Variants in UGT2B28 observed in about 807,000 individuals in gnomAD.
UGT2B28 encodes the protein UDP-glucuronosyltransferase 2B28.
In UGT2B28, 45 loss-of-function variants were observed where a neutral mutation model predicts 43.6. The observed-to-expected ratio is 1.03, with a 90% CI of 0.81 to 1.32. The LOEUF (loss-of-function observed/expected upper bound fraction) is 1.32. UGT2B28 is among the 40% of genes most tolerant of loss of function. UGT2B28 has a pLI of 0.00. For synonymous variants in UGT2B28, 204 were observed against 208.1 expected (o/e 0.98, Z 0.17); for missense variants, 649 against 625.5 (o/e 1.04, Z -0.40).
rs549777994 is a variant in UGT2B28 at position 69,282,655 on chromosome 4, T to C, written c.863T>C (p.Leu288Pro). The change falls in exon 2 of 6, where the codon CTA (leucine) becomes CCA (proline). Residue 288 changes from leucine (L) to proline (P), a missense_variant. Transcript: ENST00000335568. Reference protein sequence around the residue: ...GGLHCKPAKPLPKEMEEFVQS... With the variant: ...GGLHCKPAKPPPKEMEEFVQS... ...CTCCACTGCAAACCTGCCAAACCCC[T>C]ACCTAAGGTAAACATACTTTCGTTG... The C allele has an allele frequency of 1.2e-5, 18 of 1,548,072 alleles. 5 individuals are homozygous for C. Among genetic ancestry groups the C allele is most frequent in the Non-Finnish European group, 1.6e-5 (18 of 1,151,440 alleles).
At chr4:69,283,820 T>C (rs1723692055) in intron 2 of UGT2B28, among the ~76,000 whole-genome samples, 1 of 140,626 alleles carries the variant, frequency 7.1e-6, no homozygotes, top group South Asian at 2.4e-4. Flanking sequence ...TGCAAAGTCA[T>C]ATATGACAGA....
chr4:69,281,507 T>C lies in UGT2B28; in HGVS notation c.721+286T>C, dbSNP rs1231545088. Among the ~76,000 whole-genome samples the C allele has an allele frequency of 1.4e-5, 2 of 140,948 alleles. 1 individual carries two copies. The highest frequency in any genetic ancestry group is 1.4e-4 in the Admixed American group (2 of 14,054). 92.5% of individuals were successfully genotyped at this position (140,948 alleles called of 152,430 possible). A position where few individuals can be genotyped will look rare whatever the true frequency, so the allele number is the denominator to read the frequency against. On this transcript the variant is annotated intron_variant, in intron 1 of 5. Transcript: ENST00000335568. ...GCAATTACACATCTGTTTTACTATA[T>C]AATGTTTTAGATCTTAAAAACAGTG...
In UGT2B28 at chr4:69,281,899, G is replaced by A. The variant is rs1382204062; in HGVS notation, c.722-615G>A. ...TATTTAAAAATATGAGACAGATTAA[G>A]GTTGAGTACAGATCTCTATTTCAAT... On this transcript the variant is annotated intron_variant, in intron 1 of 5. Coordinates refer to ENST00000335568, the MANE Select transcript of UGT2B28 (RefSeq NM_053039.2). 5.7e-5 allele frequency among the ~76,000 whole-genome samples: 8 copies of A among 140,086 alleles called. 1 individual carries two copies. Among genetic ancestry groups the A allele is most frequent in the Non-Finnish European group, 1.2e-4 (8 of 65,568 alleles). The allele number at this position is 140,086 out of a possible 152,430, so 91.9% of individuals were successfully genotyped here.
At position 69,290,703 on chromosome 4, in the gene UGT2B28, A is replaced by G; in HGVS notation, c.1202A>G (p.Asp401Gly). 3 of 1,559,760 alleles carry G rather than the reference A, an allele frequency of 1.9e-6. No individual in the cohort carries two copies. Among genetic ancestry groups the G allele is most frequent in the East Asian group, 4.6e-5 (2 of 43,556 alleles). ...VGIPLFWDQPDNIAHMKAKGA... is the reference protein window; with the variant it reads ...VGIPLFWDQPGNIAHMKAKGA... The stretch of plus-strand genomic sequence containing the variant: ...ATTCCATTGTTTTGGGATCAACCTG[A>G]TAACATTGCTCACATGAAGGCCAAG... The change falls in exon 5 of 6, where the codon GAT becomes GGT. Residue 401 changes from aspartate to glycine, a missense_variant. Asp to Gly is a moderately conservative substitution (Grantham distance 94). Transcript: ENST00000335568.
intron 2 of UGT2B28, among the ~76,000 whole-genome samples, chr4:69,285,387 T>C (rs1560565121): frequency 1.4e-5 from 2 of 140,034 alleles, no homozygotes; most frequent in East Asian, 4.1e-4. Context: ...CCCGTCAATA[T>C]CAGTGATGAA....
rs1275865873 is a variant in UGT2B28, at chr4:69,288,778, T to C, written c.1003-887T>C. 6.4e-5 allele frequency among the ~76,000 whole-genome samples: 9 copies of C among 139,614 alleles called. 1 individual carries two copies. 91.6% of individuals were successfully genotyped at this position (139,614 alleles called of 152,430 possible). ...CCATCCTATACATCTCAGTGTATGTTGTTGCCATCTATGTATCCACGTGTT... is the reference window on the plus strand; with the variant it reads ...CCATCCTATACATCTCAGTGTATGTCGTTGCCATCTATGTATCCACGTGTT... On this transcript the variant is annotated intron_variant, in intron 3 of 5. Transcript: ENST00000335568.
chr4:69,282,809 T>C, intron 2 of UGT2B28, 147 bp downstream of exon 2: 1 of 1,215,018 alleles, frequency 8.2e-7, no homozygotes. Context: ...GAAACTCATG[T>C]ATATGTTAAT....
At chr4:69,293,003 G>A (rs1414201491) in intron 5 of UGT2B28, among the ~76,000 whole-genome samples, 5 of 140,378 alleles carry the variant, frequency 3.6e-5, no homozygotes, top group Admixed American at 7.1e-5. Flanking sequence ...GTATAGCAGA[G>A]TGTTCATGAG....
intron 1 of UGT2B28, 41 bp downstream of exon 1, chr4:69,281,262 T>C: frequency 6.9e-7 from 1 of 1,457,748 alleles, no homozygotes; most frequent in Middle Eastern, 1.9e-4. Flanking sequence ...ATCTAACTTA[T>C]TTGTGTCTTT....
Position 69,288,571 on chromosome 4 carries a change from T to C in UGT2B28, c.1003-1094T>C, listed in dbSNP as rs1463991429. On this transcript the variant is annotated intron_variant, in intron 3 of 5. Transcript: ENST00000335568. The stretch of plus-strand genomic sequence containing the variant: ...TTTTATACTTTTTTTATAATATTTT[T>C]ATTTTTTAAATTAAATTAACTTTTA... 1.4e-5 allele frequency among the ~76,000 whole-genome samples: 2 copies of C among 140,348 alleles called. 1 individual carries two copies. Among genetic ancestry groups the C allele is most frequent in the Non-Finnish European group, 3.0e-5 (2 of 65,760 alleles). 92.1% of individuals were successfully genotyped at this position (140,348 alleles called of 152,430 possible).
In UGT2B28 at chr4:69,294,907, C is replaced by T; in HGVS notation, c.*98C>T. ...GATTGTTATGCAAGATTTCTTTCTT[C>T]CTGTGACAAAAAAAAAAACTTTTCA... On this transcript the variant is annotated 3_prime_UTR_variant, in exon 6 of 6. Transcript: ENST00000335568. 2 of 1,346,548 alleles carry T rather than the reference C, an allele frequency of 1.5e-6. No homozygotes were observed. The highest frequency in any genetic ancestry group is 1.9e-6 in the Non-Finnish European group (2 of 1,043,290). The allele number at this position is 1,346,548 out of a possible 1,614,324, so 83.4% of individuals were successfully genotyped here.
intron 3 of UGT2B28, 83 bp from the exon 4 acceptor site, chr4:69,289,582 C>T: frequency 1.6e-6 from 2 of 1,254,574 alleles, no homozygotes; most frequent in Non-Finnish European, 2.2e-6. Flanking sequence ...CCCTTGATCT[C>T]ATTCCTACCC....
At chr4:69,287,350 T>C (rs1373983435) in intron 3 of UGT2B28, among the ~76,000 whole-genome samples, 1 of 140,868 alleles carries the variant, frequency 7.1e-6, no homozygotes, top group Admixed American at 7.1e-5. Flanking sequence ...TATGATCATT[T>C]TCTTCAAAGC....
intron 5 of UGT2B28, among the ~76,000 whole-genome samples, chr4:69,291,797 G>C (rs369844647): frequency 7.1e-6 from 1 of 140,372 alleles, no homozygotes; most frequent in East Asian, 2.0e-4. Context: ...CTGCTAAACT[G>C]TTTTCCAAAG....
In UGT2B28 at chr4:69,289,203, A is replaced by G. The variant is rs2109692837; in HGVS notation, c.1003-462A>G. 1.4e-5 allele frequency among the ~76,000 whole-genome samples: 2 copies of G among 139,808 alleles called. 1 individual carries two copies. Among genetic ancestry groups the G allele is most frequent in the South Asian group, 4.8e-4 (2 of 4,164 alleles). The allele number at this position is 139,808 out of a possible 152,430, so 91.7% of individuals were successfully genotyped here. On this transcript the variant is annotated intron_variant, in intron 3 of 5. Transcript: ENST00000335568. Reference sequence around the variant, plus strand: ...AATGGTTGAACTAACTTACATTCCAACCAACAGAGTATAAGCATTCCTTTT... The same window carrying G: ...AATGGTTGAACTAACTTACATTCCAGCCAACAGAGTATAAGCATTCCTTTT...
Position 69,292,485 on chromosome 4 carries a change from G to A in UGT2B28, c.1310+1674G>A, listed in dbSNP as rs1460876017. Among the ~76,000 whole-genome samples, 9 of 140,742 alleles carry A rather than the reference G, an allele frequency of 6.4e-5. 1 individual carries two copies. The highest frequency in any genetic ancestry group is 2.5e-4 in the African/African-American group (9 of 36,192). 92.3% of individuals were successfully genotyped at this position (140,742 alleles called of 152,430 possible). ...AAATAGAAAAGAAATATAAAACAAA[G>A]TGGTAGATTTAAATGTGATTATACA... On this transcript the variant is annotated intron_variant, in intron 5 of 5. Coordinates refer to ENST00000335568, the MANE Select transcript of UGT2B28 (RefSeq NM_053039.2).
Position 69,287,944 on chromosome 4 carries a change from A to G in UGT2B28, c.1002+1061A>G, listed in dbSNP as rs113466652. 6.3e-3 allele frequency among the ~76,000 whole-genome samples: 880 copies of G among 140,748 alleles called. 170 individuals carry two copies. The highest frequency in any genetic ancestry group is 0.023 in the African/African-American group (829 of 36,034). The allele number at this position is 140,748 out of a possible 152,430, so 92.3% of individuals were successfully genotyped here. Reference sequence around the variant, plus strand: ...AACACTGTAAATTATTGTTCACTTTATGAGGATTGCTTTGGAGTTTCAAAA... The same window carrying G: ...AACACTGTAAATTATTGTTCACTTTGTGAGGATTGCTTTGGAGTTTCAAAA... On this transcript the variant is annotated intron_variant, in intron 3 of 5. Transcript: ENST00000335568.
rs1336614978 is a variant in UGT2B28 at position 69,284,542 on chromosome 4, C to T, written c.870+1880C>T. Among the ~76,000 whole-genome samples the T allele has an allele frequency of 6.4e-5, 9 of 139,862 alleles. 1 individual carries two copies. Among genetic ancestry groups the T allele is most frequent in the East Asian group, 2.0e-4 (1 of 4,884 alleles). The allele number at this position is 139,862 out of a possible 152,430, so 91.8% of individuals were successfully genotyped here. A position where few individuals can be genotyped will look rare whatever the true frequency, so the allele number is the denominator to read the frequency against. Reference sequence around the variant, plus strand: ...GAGGTAAAGACTAATGAAAAATCTGCGCCACTCTACACTACTCTTGAAAGA... The same window carrying T: ...GAGGTAAAGACTAATGAAAAATCTGTGCCACTCTACACTACTCTTGAAAGA... On this transcript the variant is annotated intron_variant, in intron 2 of 5. Transcript: ENST00000335568.
intron 4 of UGT2B28, 52 bp downstream of exon 4, chr4:69,289,804 T>A: frequency 7.0e-7 from 1 of 1,418,608 alleles, no homozygotes; most frequent in East Asian, 2.4e-5. Flanking sequence ...CACATTAGAA[T>A]GTTAATAGTT....
Sources: allele counts gnomAD v4.1 joint callset (sites outside exome capture counted in the v4.1 genomes callset), GRCh38; gene constraint gnomAD v4.1.1; transcripts MANE v1.5; gene names NCBI Gene and HGNC (gene_info 2026-07-23, HGNC 2026-07-21).